Variants in SCAI observed in about 807,000 individuals in gnomAD.
The protein encoded by SCAI is suppressor of cancer cell invasion.
SCAI carries 24 observed loss-of-function variants against 92.2 expected under a neutral mutation model. The ratio of observed to expected loss-of-function variants is 0.26; its 90% CI spans 0.19 to 0.37. The LOEUF (loss-of-function observed/expected upper bound fraction) is 0.37, where lower values mean the gene tolerates loss of function less well. SCAI is among the 10% of genes least tolerant of loss of function. The probability of loss-of-function intolerance (pLI) is 1.00; values close to 1 mark genes in which losing one functional copy is unlikely to be tolerated. For synonymous variants in SCAI, 261 were observed against 258.6 expected (o/e 1.01, Z -0.09); for missense variants, 450 against 736.2 (o/e 0.61, Z 4.50).
intron 3 of SCAI, among the ~76,000 whole-genome samples, chr9:125,037,114 CAAAAA>C (rs1006552108): frequency 4.6e-5 from 7 of 151,980 alleles, no homozygotes; most frequent in African/African-American, 1.5e-4. Flanking sequence ...ACTAAAGAGA[CAAAAA>C]TTAGCCAGAA....
chr9:125,104,594 GTT>G (rs1834737780), intron 2 of SCAI, among the ~76,000 whole-genome samples: 1 of 125,196 alleles, frequency 8.0e-6, no homozygotes, highest in Admixed American at 9.1e-5. Flanking sequence ...CTGATCCTGT[GTT>G]TTACTTTAAA....
chr9:125,018,670 C>T (rs984669695), intron 9 of SCAI, 129 bp downstream of exon 9: 6 of 743,326 alleles, frequency 8.1e-6, no homozygotes, highest in East Asian at 5.4e-5. Context: ...TATATGCACA[C>T]AGCATAATTT....
intron 17 of SCAI, among the ~76,000 whole-genome samples, chr9:124,969,682 C>G (rs922894223): frequency 6.6e-6 from 1 of 152,228 alleles, no homozygotes; most frequent in African/African-American, 2.4e-5. Flanking sequence ...CTCTTATATC[C>G]TGCTGGTATA....
chr9:125,009,077 A>G (rs1832574381), intron 9 of SCAI, among the ~76,000 whole-genome samples: 1 of 152,200 alleles, frequency 6.6e-6, no homozygotes, highest in Admixed American at 6.5e-5. Flanking sequence ...AAAATTATCA[A>G]ACTCAAGTTG....
At chr9:125,142,534 G>C in intron 2 of SCAI, 99 bp downstream of exon 2, 1 of 873,274 alleles carries the variant, frequency 1.1e-6, no homozygotes, top group Non-Finnish European at 1.8e-6. Flanking sequence ...GGATAAATAA[G>C]AAACTTCATC....
intron 2 of SCAI, among the ~76,000 whole-genome samples, chr9:125,107,641 C>T (rs1020618732): frequency 6.6e-6 from 1 of 152,130 alleles, no homozygotes; most frequent in Admixed American, 6.5e-5. Context: ...TGGCATGTGC[C>T]TGCAGTCCTA....
chr9:125,042,615 A>ATGTGTGTGTGTGTGTGTGTGTGTGTGTG (rs150983142), intron 3 of SCAI, among the ~76,000 whole-genome samples: 49 of 105,202 alleles, frequency 4.7e-4, no homozygotes, highest in East Asian at 4.2e-3. Context: ...CCACCAGAGT[A>ATGTGTGTGTGTGTGTGTGTGTGTGTGTG]TGTGTGTGTG....
chr9:124,965,016 T>TC (rs1831511665), intron 17 of SCAI, among the ~76,000 whole-genome samples: 2 of 151,806 alleles, frequency 1.3e-5, no homozygotes, highest in African/African-American at 2.4e-5. Flanking sequence ...TTTTTTTTTT[T>TC]CCAGAAAAGG....
intron 2 of SCAI, among the ~76,000 whole-genome samples, chr9:125,115,475 G>A (rs1320587027): frequency 6.6e-6 from 1 of 150,608 alleles, no homozygotes; most frequent in African/African-American, 2.5e-5. Context: ...CAAACCAACT[G>A]CCCACAGATA....
In SCAI at chr9:124,999,204, T is replaced by C. The variant is rs145370441; in HGVS notation, c.1244+687A>G. 6.1e-3 allele frequency among the ~76,000 whole-genome samples: 927 copies of C among 151,664 alleles called. 10 individuals are homozygous for C. The highest frequency in any genetic ancestry group is 0.021 in the African/African-American group (876 of 41,378). On this transcript the variant is annotated intron_variant, in intron 13 of 17. Coordinates refer to ENST00000336505, the MANE Select transcript of SCAI (RefSeq NM_001144877.3). ...GAGTTCAAGACCAGCCTGACAAACATGGTAAAACCCCATCTCTACTAAAAA... is the reference window on the plus strand; with the variant it reads ...GAGTTCAAGACCAGCCTGACAAACACGGTAAAACCCCATCTCTACTAAAAA...
intron 4 of SCAI, among the ~76,000 whole-genome samples, 193 bp from the exon 5 acceptor site, chr9:125,028,671 AAAG>A (rs1833010983): frequency 6.7e-6 from 1 of 148,922 alleles, no homozygotes; most frequent in Non-Finnish European, 1.5e-5. Flanking sequence ...TGAAATATAA[AAAG>A]AAACTACTTT....
intron 2 of SCAI, among the ~76,000 whole-genome samples, chr9:125,099,220 T>C (rs117371714): frequency 0.016 from 2,460 of 152,234 alleles, 34 homozygotes; most frequent in Non-Finnish European, 0.024. Context: ...ATGCAGATAC[T>C]TCCCCAAATT....
intron 2 of SCAI, among the ~76,000 whole-genome samples, chr9:125,059,971 A>G (rs1363350182): frequency 6.6e-6 from 1 of 152,228 alleles, no homozygotes; most frequent in Non-Finnish European, 1.5e-5. Context: ...ACAGCATTCA[A>G]ACGACAACTT....
chr9:124,994,942 C>G lies in SCAI; in HGVS notation c.1318G>C (p.Ala440Pro), dbSNP rs1231268835. 6.2e-7 allele frequency: 1 copy of G among 1,611,594 alleles called. No individual in the cohort carries two copies. Among genetic ancestry groups the G allele is most frequent in the Non-Finnish European group, 8.5e-7 (1 of 1,178,702 alleles). The change falls in exon 14 of 18, where the codon GCG becomes CCG. Residue 440 changes from alanine to proline, a missense_variant. By Grantham distance (27) the Ala-to-Pro change is conservative (BLOSUM62 -1). Coordinates refer to ENST00000336505, the MANE Select transcript of SCAI (RefSeq NM_001144877.3). Reference sequence around the variant, plus strand: ...GCTCTCATGGAACTCACCTTATACGCAACACTATTAGACGAATCCACAATG... The same window carrying G: ...GCTCTCATGGAACTCACCTTATACGGAACACTATTAGACGAATCCACAATG... ...FIIVDSSNSV[A>P]YKNFTNLFGQ...
chr9:125,045,044 G>A (rs546320276), intron 3 of SCAI, among the ~76,000 whole-genome samples: 1 of 152,162 alleles, frequency 6.6e-6, no homozygotes, highest in Non-Finnish European at 1.5e-5. Context: ...CCTACCCTTG[G>A]CAGGTGTGGG....
At chr9:125,139,503 C>T (rs1453345818) in intron 2 of SCAI, among the ~76,000 whole-genome samples, 2 of 152,062 alleles carry the variant, frequency 1.3e-5, no homozygotes, top group African/African-American at 4.8e-5. Context: ...AAATGGAGCA[C>T]GGAGTTACAT....
chr9:124,991,333 CAG>C (rs1832117173), intron 14 of SCAI, among the ~76,000 whole-genome samples: 1 of 80,456 alleles, frequency 1.2e-5, no homozygotes, highest in Admixed American at 2.3e-4. Context: ...GCCTGGGTGA[CAG>C]AGCAAAACTC....
At chr9:125,115,077 G>A (rs1346649202) in intron 2 of SCAI, among the ~76,000 whole-genome samples, 2 of 151,936 alleles carry the variant, frequency 1.3e-5, no homozygotes, top group Non-Finnish European at 2.9e-5. Flanking sequence ...CTGGCCTAAA[G>A]AAACTCTTGA....
chr9:125,008,506 T>C (rs1832563494), intron 9 of SCAI, among the ~76,000 whole-genome samples: 1 of 151,960 alleles, frequency 6.6e-6, no homozygotes, highest in South Asian at 2.1e-4. Context: ...ATTTAATCTA[T>C]AAAACAAGAA....
Sources: allele counts gnomAD v4.1 joint callset (sites outside exome capture counted in the v4.1 genomes callset), GRCh38; gene constraint gnomAD v4.1.1; transcripts MANE v1.5; gene names NCBI Gene and HGNC (gene_info 2026-07-23, HGNC 2026-07-21).